Variants in CEBPZ observed in about 807,000 individuals in gnomAD.
CEBPZ encodes the protein CCAAT/enhancer-binding protein zeta.
CEBPZ carries 78 observed loss-of-function variants against 104.5 expected under a neutral mutation model. The ratio of observed to expected loss-of-function variants is 0.75; its 90% CI spans 0.62 to 0.90. The LOEUF is 0.90. Among genes scored for constraint, CEBPZ ranks in the 40% least tolerant of loss-of-function variants. The pLI, the probability that CEBPZ is intolerant of heterozygous loss-of-function variation, is 0.00. For synonymous variants in CEBPZ, 470 were observed against 427.0 expected (o/e 1.10, Z -1.24); for missense variants, 1,439 against 1,233.5 (o/e 1.17, Z -2.50).
rs111833632 is a variant in CEBPZ, at chr2:37,220,969, C to T, written c.2066-496G>A. Among the ~76,000 whole-genome samples, 733 of 152,086 alleles carry T rather than the reference C, an allele frequency of 4.8e-3. 7 individuals carry two copies. Among genetic ancestry groups the T allele is most frequent in the African/African-American group, 0.017 (709 of 41,468 alleles). On this transcript the variant is annotated intron_variant, in intron 4 of 15. Transcript: ENST00000234170. ...CCAAGATCGTGCCATTGTGATCCAG[C>T]CTTCCTGACAGAGCAAGACCCTGAC...
chr2:37,217,858 C>T (rs1371410576), intron 5 of CEBPZ, among the ~76,000 whole-genome samples: 28 of 148,382 alleles, frequency 1.9e-4, no homozygotes, highest in Admixed American at 1.4e-3. Flanking sequence ...GCCGAGATCG[C>T]GCCACTGCAC....
In CEBPZ at chr2:37,231,394, G is replaced by A. The variant is rs745604584; in HGVS notation, c.156+18C>T. On this transcript the variant is annotated intron_variant, in intron 1 of 15. Transcript: ENST00000234170. ...CTCTCCACGCCTGATCCCGTTCCCCGGAGCCCGCGGCCGTTACCTTGGTGC... is the reference window on the plus strand; with the variant it reads ...CTCTCCACGCCTGATCCCGTTCCCCAGAGCCCGCGGCCGTTACCTTGGTGC... 12 of 1,613,338 alleles carry A rather than the reference G, an allele frequency of 7.4e-6. No individual in the cohort carries two copies. In the East Asian group the frequency reaches 2.0e-4, roughly 27 times the overall value.
chr2:37,225,363 G>A (rs867302579), intron 2 of CEBPZ, among the ~76,000 whole-genome samples: 8 of 151,974 alleles, frequency 5.3e-5, no homozygotes, highest in Non-Finnish European at 8.8e-5. Flanking sequence ...TGTCTGTGTA[G>A]AAAGAAGTAG....
intron 2 of CEBPZ, among the ~76,000 whole-genome samples, chr2:37,225,232 A>T (rs1392597870): frequency 6.6e-6 from 1 of 152,292 alleles, no homozygotes; most frequent in East Asian, 1.9e-4. Flanking sequence ...AATGTCATGA[A>T]ATCTACAGCA....
At chr2:37,208,864 T>A (rs1247866271) in intron 13 of CEBPZ, 2 of 152,082 alleles carry the variant, frequency 1.3e-5, no homozygotes, top group Non-Finnish European at 2.9e-5. Flanking sequence ...TATTCACCGA[T>A]GATATGATAG....
intron 15 of CEBPZ, 29 bp from the exon 16 acceptor site, chr2:37,201,932 A>G: frequency 6.2e-7 from 1 of 1,603,324 alleles, no homozygotes; most frequent in Non-Finnish European, 8.5e-7. Flanking sequence ...AGATGAGTGT[A>G]CTACCACACT....
At position 37,228,327 on chromosome 2, in the gene CEBPZ, A is replaced by T; in HGVS notation, c.866T>A (p.Phe289Tyr). The change falls in exon 2 of 16, where the codon TTC becomes TAC. Residue 289 changes from phenylalanine to tyrosine, a missense_variant. Physicochemically the swap from Phe to Tyr is conservative, Grantham distance 22. Coordinates refer to ENST00000234170, the MANE Select transcript of CEBPZ (RefSeq NM_005760.3). ...KQQCLMALDT[F>Y]KELLITDLLP... ...AAGGTCTGTGATAAGCAACTCTTTGAAAGTATCCAAGGCCATAAGGCACTG... is the reference window on the plus strand; with the variant it reads ...AAGGTCTGTGATAAGCAACTCTTTGTAAGTATCCAAGGCCATAAGGCACTG... The T allele has an allele frequency of 1.2e-6, 2 of 1,614,206 alleles. No individual in the cohort carries two copies. The highest frequency in any genetic ancestry group is 1.3e-5 in the African/African-American group (1 of 75,042).
chr2:37,213,705 C>T (rs1289033495), intron 10 of CEBPZ, 159 bp downstream of exon 10: 3 of 550,656 alleles, frequency 5.4e-6, no homozygotes, highest in East Asian at 3.6e-5. Context: ...TGAGCCACAG[C>T]GCCTGGCCCC....
intron 10 of CEBPZ, among the ~76,000 whole-genome samples, chr2:37,212,835 T>TA (rs761764387): frequency 0.021 from 1,308 of 61,634 alleles, 14 homozygotes; most frequent in African/African-American, 0.054. Flanking sequence ...CTATCTCTAT[T>TA]AAAAAAAAAA....
intron 8 of CEBPZ, 43 bp from the exon 9 acceptor site, chr2:37,214,995 C>T (rs1178555209): frequency 8.1e-6 from 10 of 1,234,472 alleles, no homozygotes; most frequent in Non-Finnish European, 1.2e-5. Context: ...TATAGCAATC[C>T]CCTTTATGTT....
intron 6 of CEBPZ, 43 bp downstream of exon 6, chr2:37,216,941 C>CT (rs1553350686): frequency 1.3e-6 from 2 of 1,484,110 alleles, no homozygotes; most frequent in Non-Finnish European, 1.9e-6. Context: ...TAAAATGATA[C>CT]TTTTTTTCTT....
At position 37,202,821 on chromosome 2, in the gene CEBPZ, G is replaced by A. The variant is rs761385830; in HGVS notation, c.2988C>T (p.Asn996=). ...LDENMGSKFD[N]IGMNAMANKD... ...TGTTAGCCATGGCATTCATGCCAATGTTATCAAACTTGGATCCCATATTTT... is the reference window on the plus strand; with the variant it reads ...TGTTAGCCATGGCATTCATGCCAATATTATCAAACTTGGATCCCATATTTT... Residue 996 remains asparagine (N), a synonymous_variant, in exon 15 of 16, where the codon AAC becomes AAT. Transcript: ENST00000234170. 1 of 1,599,226 alleles carries A rather than the reference G, an allele frequency of 6.3e-7. No individual in the cohort carries two copies. The highest frequency in any genetic ancestry group is 8.5e-7 in the Non-Finnish European group (1 of 1,173,354).
rs141463415 is a variant in CEBPZ at position 37,228,765 on chromosome 2, T to C, written c.428A>G (p.Asn143Ser). 66 of 1,613,978 alleles carry C rather than the reference T, an allele frequency of 4.1e-5. No individual in the cohort carries two copies. Among genetic ancestry groups the C allele is most frequent in the Non-Finnish European group, 5.4e-5 (64 of 1,180,010 alleles). ...RTSVNKVKNK[N>S]RPEPHSDENG... is the part of the protein sequence containing the mutation. Reference sequence around the variant, plus strand: ...CTCATCAGAATGTGGTTCTGGCCTATTCTTATTTTTCACCTTATTAACTGA... The same window carrying C: ...CTCATCAGAATGTGGTTCTGGCCTACTCTTATTTTTCACCTTATTAACTGA... Residue 143 changes from asparagine to serine, a missense_variant, in exon 2 of 16, where the codon AAT (asparagine) becomes AGT (serine). Asn to Ser is a conservative substitution (Grantham distance 46). Transcript: ENST00000234170.
intron 1 of CEBPZ, among the ~76,000 whole-genome samples, chr2:37,230,851 G>A (rs553993604): frequency 6.6e-6 from 1 of 152,304 alleles, no homozygotes; most frequent in South Asian, 2.1e-4. Flanking sequence ...ACATTTCCGT[G>A]ATGTGTTTGT....
intron 5 of CEBPZ, 27 bp from the exon 6 acceptor site, chr2:37,217,064 A>T: frequency 6.3e-7 from 1 of 1,580,886 alleles, no homozygotes; most frequent in Non-Finnish European, 8.7e-7. Context: ...GAATAATATC[A>T]ATATTTCTAA....
rs745689233 is a variant in CEBPZ at position 37,223,403 on chromosome 2, T to C, written c.1650-2A>G. On this transcript the variant is annotated splice_acceptor_variant, in intron 2 of 15. Coordinates refer to ENST00000234170, the MANE Select transcript of CEBPZ (RefSeq NM_005760.3). LOFTEE classifies it high-confidence loss of function. ...ATCAACCCTGGATCCAACATCTTCC[T>C]GCAAAACAAAACCAAGGTCAAATAT... 6.2e-7 allele frequency: 1 copy of C among 1,612,862 alleles called. No individual in the cohort carries two copies. The highest frequency in any genetic ancestry group is 8.5e-7 in the Non-Finnish European group (1 of 1,179,188).
Position 37,212,305 on chromosome 2 carries a change from AAT to A in CEBPZ, c.2603+28_2603+29del, listed in dbSNP as rs1677746911. On this transcript the variant is annotated intron_variant, in intron 11 of 15. Coordinates refer to ENST00000234170, the MANE Select transcript of CEBPZ (RefSeq NM_005760.3). ...ACAACAATTTGGGAAATGCTAGAAA[AAT>A]AGGAAGGAGAAGATAGAAGTATGTT... 1.9e-6 allele frequency: 3 copies of A among 1,595,236 alleles called. No homozygotes were observed. In the African/African-American group the frequency reaches 4.0e-5, roughly 21 times the overall value.
intron 4 of CEBPZ, 45 bp from the exon 5 acceptor site, chr2:37,220,518 T>C (rs866027274): frequency 9.5e-7 from 1 of 1,051,444 alleles, no homozygotes; most frequent in Middle Eastern, 2.1e-4. Context: ...GCTTTCTTCC[T>C]AGCCCAAGAG....
Position 37,231,487 on chromosome 2 carries a change from C to CTCG in CEBPZ, c.78_80dup (p.Asp26dup), listed in dbSNP as rs759807034. The CTCG allele has an allele frequency of 1.6e-5, 26 of 1,614,278 alleles. No individual in the cohort carries two copies. The East Asian group carries it at 5.3e-4, about 33-fold the overall frequency. ...CTTCACTAGTATTATCCTCATCCTCCTCGTCCGGATCTTCTACTGCCTCCT... is the reference window on the plus strand; with the variant it reads ...CTTCACTAGTATTATCCTCATCCTCCTCGTCGTCCGGATCTTCTACTGCCTCCT... On this transcript the variant is annotated inframe_insertion, in exon 1 of 16. Coordinates refer to ENST00000234170, the MANE Select transcript of CEBPZ (RefSeq NM_005760.3).
Sources: allele counts gnomAD v4.1 joint callset (sites outside exome capture counted in the v4.1 genomes callset), GRCh38; gene constraint gnomAD v4.1.1; transcripts MANE v1.5; gene names NCBI Gene and HGNC (gene_info 2026-07-23, HGNC 2026-07-21).